Variants in GRIA4 observed in about 807,000 individuals in gnomAD.
The protein encoded by GRIA4 is glutamate ionotropic receptor AMPA type subunit 4, also known as glutamate receptor 4.
Under a neutral mutation model 104.0 loss-of-function variants are expected in GRIA4, and 34 were observed. That is an observed-to-expected ratio of 0.33 (90% CI 0.25 to 0.44). The LOEUF (loss-of-function observed/expected upper bound fraction) is 0.44. GRIA4 is among the 20% of genes least tolerant of loss of function. The pLI is 1.00. For synonymous variants in GRIA4, 386 were observed against 381.9 expected (o/e 1.01, Z -0.13); for missense variants, 750 against 1,096.5 (o/e 0.68, Z 4.46).
intron 3 of GRIA4, among the ~76,000 whole-genome samples, chr11:105,676,473 T>G (rs149399643): frequency 7.0e-4 from 105 of 150,636 alleles, no homozygotes; most frequent in African/African-American, 2.1e-3. Context: ...GGAAAAAAGT[T>G]TATTTTGATT....
intron 4 of GRIA4, among the ~76,000 whole-genome samples, chr11:105,792,546 T>C (rs1203131277): frequency 6.6e-6 from 1 of 152,132 alleles, no homozygotes; most frequent in Non-Finnish European, 1.5e-5. Flanking sequence ...CTTTGATACA[T>C]GTTCCATATA....
chr11:105,948,589 CTTTTTGTTTTT>C (rs1948378478), intron 14 of GRIA4, among the ~76,000 whole-genome samples: 1 of 111,214 alleles, frequency 9.0e-6, no homozygotes, highest in Non-Finnish European at 1.8e-5. Flanking sequence ...CTTTTCTTTT[CTTTTTGTTTTT>C]TTTTTTTTTT....
At chr11:105,725,484 G>A (rs905305361) in intron 3 of GRIA4, among the ~76,000 whole-genome samples, 9 of 152,078 alleles carry the variant, frequency 5.9e-5, no homozygotes, top group Non-Finnish European at 1.0e-4. Flanking sequence ...GCCATAGAGG[G>A]CACCTATAAT....
rs534788 is a variant in GRIA4, at chr11:105,898,589, T to C, written c.885+162T>C. Among the ~76,000 whole-genome samples, 817 of 152,298 alleles carry C rather than the reference T, an allele frequency of 5.4e-3. 9 individuals are homozygous for C. Among genetic ancestry groups the C allele is most frequent in the African/African-American group, 0.018 (755 of 41,586 alleles). On this transcript the variant is annotated intron_variant, in intron 7 of 16. Coordinates refer to ENST00000282499, the MANE Select transcript of GRIA4 (RefSeq NM_000829.4). ...CCTTGCACATGCTCTTAATAATTTC[T>C]AAATTTCTGTATTTAAGAGTAGAGT...
chr11:105,864,422 A>T (rs1945335558), intron 5 of GRIA4, among the ~76,000 whole-genome samples: 1 of 152,220 alleles, frequency 6.6e-6, no homozygotes, highest in African/African-American at 2.4e-5. Flanking sequence ...AAACAATTTC[A>T]AAAAACCAAC....
chr11:105,758,821 T>A (rs1233622856), intron 4 of GRIA4, among the ~76,000 whole-genome samples: 1 of 152,180 alleles, frequency 6.6e-6, no homozygotes, highest in East Asian at 1.9e-4. Flanking sequence ...AGATACAACG[T>A]ATAAATTCCT....
intron 3 of GRIA4, among the ~76,000 whole-genome samples, chr11:105,678,139 T>C (rs968990325): frequency 9.9e-5 from 15 of 152,186 alleles, no homozygotes; most frequent in African/African-American, 3.4e-4. Flanking sequence ...AGTATGCACT[T>C]TTAAAAAGAT....
intron 3 of GRIA4, among the ~76,000 whole-genome samples, chr11:105,627,009 A>G (rs1950902719): frequency 6.6e-6 from 1 of 152,190 alleles, no homozygotes; most frequent in African/African-American, 2.4e-5. Flanking sequence ...TCTTGTGCAG[A>G]TATTTGGAAA....
At chr11:105,642,486 T>C (rs1421106923) in intron 3 of GRIA4, among the ~76,000 whole-genome samples, 1 of 108,796 alleles carries the variant, frequency 9.2e-6, no homozygotes, top group African/African-American at 3.7e-5. Flanking sequence ...TTGGCAGTCA[T>C]AAAAAAGTAT....
chr11:105,748,549 A>T (rs191870503), intron 3 of GRIA4, among the ~76,000 whole-genome samples: 272 of 151,768 alleles, frequency 1.8e-3, no homozygotes, highest in African/African-American at 6.2e-3. Flanking sequence ...CGCCCTGCTA[A>T]TTTTTTTGTA....
chr11:105,906,593 C>G (rs1186951356), intron 9 of GRIA4, among the ~76,000 whole-genome samples: 3 of 152,266 alleles, frequency 2.0e-5, no homozygotes, highest in South Asian at 4.1e-4. Context: ...TTGGAGCTGC[C>G]GTGAAAACCA....
chr11:105,882,928 C>A (rs1384998627), intron 5 of GRIA4, among the ~76,000 whole-genome samples: 1 of 152,102 alleles, frequency 6.6e-6, no homozygotes, highest in African/African-American at 2.4e-5. Context: ...ATTGGTTATG[C>A]CATAATTTGT....
chr11:105,805,678 C>T (rs559203949), intron 4 of GRIA4, among the ~76,000 whole-genome samples: 84 of 151,968 alleles, frequency 5.5e-4, no homozygotes, highest in African/African-American at 1.8e-3. Flanking sequence ...CCCTCTGGCT[C>T]TGGACTTTCT....
intron 3 of GRIA4, among the ~76,000 whole-genome samples, chr11:105,661,295 A>G (rs1339962285): frequency 6.6e-6 from 1 of 151,728 alleles, no homozygotes. Flanking sequence ...AGAGAAGTAT[A>G]GGAGTATTAT....
chr11:105,918,652 C>G (rs1947474916), intron 10 of GRIA4, 60 bp from the exon 11 acceptor site: 2 of 820,558 alleles, frequency 2.4e-6, no homozygotes, highest in Non-Finnish European at 4.1e-6. Context: ...TGGAAAGTTA[C>G]ATAAGGTTTT....
At chr11:105,645,792 G>A (rs1249373543) in intron 3 of GRIA4, among the ~76,000 whole-genome samples, 1 of 152,144 alleles carries the variant, frequency 6.6e-6, no homozygotes, top group East Asian at 1.9e-4. Context: ...AGATAGTGTT[G>A]ATCGAACATA....
rs1050333040 is a variant in GRIA4, at chr11:105,883,792, C to T, written c.673-3727C>T. On this transcript the variant is annotated intron_variant, in intron 5 of 16. Transcript: ENST00000282499. Reference sequence around the variant, plus strand: ...TTTATAATCCTTTGGGTATATACCCCGTAATGGGATGGCTGGGTCGAATGG... The same window carrying T: ...TTTATAATCCTTTGGGTATATACCCTGTAATGGGATGGCTGGGTCGAATGG... Among the ~76,000 whole-genome samples the T allele has an allele frequency of 5.9e-5, 9 of 152,164 alleles. No homozygotes were observed. In the South Asian group the frequency reaches 6.2e-4, roughly 11 times the overall value.
At chr11:105,729,126 AAG>A (rs142354013) in intron 3 of GRIA4, among the ~76,000 whole-genome samples, 69,908 of 151,718 alleles carry the variant, frequency 0.46, 17,028 homozygotes, top group Admixed American at 0.58. Context: ...TAAAAAAGAA[AAG>A]AGAGAAGAAT....
intron 4 of GRIA4, among the ~76,000 whole-genome samples, chr11:105,809,220 T>A (rs1338921329): frequency 2.0e-5 from 3 of 152,172 alleles, no homozygotes; most frequent in Non-Finnish European, 4.4e-5. Flanking sequence ...TAATCTGTTT[T>A]TATTTTCATA....
Sources: gnomAD v4.1 joint callset for allele counts (sites outside exome capture counted in the v4.1 genomes callset) on GRCh38, gnomAD v4.1.1 for gene constraint, MANE v1.5 for transcripts, NCBI Gene and HGNC (gene_info 2026-07-23, HGNC 2026-07-21) for gene names.